CNBD1: variants seen among roughly 807,000 people sequenced by gnomAD.
CNBD1 encodes cyclic nucleotide binding domain containing 1.
In CNBD1, 71 loss-of-function variants were observed where a neutral mutation model predicts 54.4. That is an observed-to-expected ratio of 1.30 (90% confidence interval 1.08 to 1.59). The LOEUF is 1.59. Among genes scored for constraint, CNBD1 ranks in the 40% most tolerant of loss-of-function variants. The pLI, the probability that CNBD1 is intolerant of heterozygous loss-of-function variation, is 0.00. For missense variants in CNBD1, 659 were observed against 518.0 expected (o/e 1.27, Z -2.64); for synonymous variants, 182 against 170.7 (o/e 1.07, Z -0.51).
At chr8:86,895,766 TTCTG>T (rs910347445) in intron 2 of CNBD1, among the ~76,000 whole-genome samples, 6 of 152,204 alleles carry the variant, frequency 3.9e-5, no homozygotes, top group Admixed American at 6.5e-5. Flanking sequence ...TCTGTTCAGA[TTCTG>T]TCTGTTTTAA....
At chr8:87,238,405 G>T (rs1466340197) in intron 6 of CNBD1, among the ~76,000 whole-genome samples, 1 of 152,024 alleles carries the variant, frequency 6.6e-6, no homozygotes, top group African/African-American at 2.4e-5. Context: ...TGAAGCCACT[G>T]GGAAACAGAC....
intron 6 of CNBD1, among the ~76,000 whole-genome samples, chr8:87,280,158 TC>T (rs1224770079): frequency 6.6e-6 from 1 of 151,592 alleles, no homozygotes. Flanking sequence ...CAGTGTATAG[TC>T]CCACATTCTC....
In CNBD1 at chr8:87,092,478, T is replaced by G. The variant is rs773357378; in HGVS notation, c.432-113515T>G. On this transcript the variant is annotated intron_variant, in intron 4 of 10. Transcript: ENST00000518476. The stretch of plus-strand genomic sequence containing the variant: ...ACATATGTGTGTGTGTGTATATATA[T>G]ACACATATGTGTGTGTGTATATATA... 3.4e-5 allele frequency among the ~76,000 whole-genome samples: 5 copies of G among 147,926 alleles called. No homozygotes were observed. The East Asian group carries it at 9.8e-4, about 29-fold the overall frequency.
intron 4 of CNBD1, among the ~76,000 whole-genome samples, chr8:87,029,925 G>A (rs796128402): frequency 4.6e-5 from 7 of 152,092 alleles, no homozygotes; most frequent in African/African-American, 1.7e-4. Context: ...GCACATATAC[G>A]TGTGTTCAGC....
intron 1 of CNBD1, among the ~76,000 whole-genome samples, chr8:86,883,042 G>T (rs1808627210): frequency 6.6e-6 from 1 of 152,040 alleles, no homozygotes; most frequent in African/African-American, 2.4e-5. Flanking sequence ...TGGGAGGAAG[G>T]ATAGGACCAG....
chr8:87,313,666 A>G (rs1288816442), intron 8 of CNBD1, among the ~76,000 whole-genome samples: 1 of 151,886 alleles, frequency 6.6e-6, no homozygotes, highest in Non-Finnish European at 1.5e-5. Flanking sequence ...GGAAGATCTG[A>G]TACATTACAC....
intron 2 of CNBD1, among the ~76,000 whole-genome samples, chr8:86,899,155 A>C (rs999881181): frequency 4.6e-5 from 7 of 152,136 alleles, no homozygotes; most frequent in African/African-American, 1.7e-4. Context: ...AACAGTGGTT[A>C]CTAGGGGCAA....
At position 87,135,684 on chromosome 8, in the gene CNBD1, A is replaced by G. The variant is rs150352089; in HGVS notation, c.432-70309A>G. ...ATATAATGCATATAATATATATGCA[A>G]TTTAAAATGATTAGCATCCTAAAAC... is the stretch of plus-strand genomic sequence containing the variant. On this transcript the variant is annotated intron_variant, in intron 4 of 10. Coordinates refer to ENST00000518476, the MANE Select transcript of CNBD1 (RefSeq NM_173538.3). Among the ~76,000 whole-genome samples the G allele has an allele frequency of 1.2e-4, 18 of 148,880 alleles. No homozygotes were observed. In the East Asian group the frequency reaches 3.1e-3, roughly 26 times the overall value.
intron 1 of CNBD1, among the ~76,000 whole-genome samples, chr8:86,869,143 C>A (rs1264383293): frequency 1.3e-5 from 2 of 152,176 alleles, no homozygotes; most frequent in Non-Finnish European, 2.9e-5. Context: ...GTTCAGAGTT[C>A]TCATTTCCAG....
At chr8:87,424,642 C>T (rs1000969283) in intron 2 of CNBD1, among the ~76,000 whole-genome samples, 4 of 151,330 alleles carry the variant, frequency 2.6e-5, no homozygotes, top group Non-Finnish European at 5.9e-5. Flanking sequence ...CTGAGAGAGA[C>T]CCTACAGAAG....
At chr8:87,276,427 C>T (rs182291881) in intron 6 of CNBD1, among the ~76,000 whole-genome samples, 2 of 151,884 alleles carry the variant, frequency 1.3e-5, no homozygotes, top group African/African-American at 4.8e-5. Context: ...TGAGAAAAGG[C>T]TTGGATGCCA....
At chr8:86,949,229 G>A (rs1158032049) in intron 4 of CNBD1, among the ~76,000 whole-genome samples, 2 of 152,054 alleles carry the variant, frequency 1.3e-5, no homozygotes, top group Non-Finnish European at 2.9e-5. Flanking sequence ...CTTCAGCTAT[G>A]CAGGATCTTT....
chr8:86,875,865 G>T (rs963358973), intron 1 of CNBD1, among the ~76,000 whole-genome samples: 4 of 152,156 alleles, frequency 2.6e-5, no homozygotes, highest in African/African-American at 9.6e-5. Flanking sequence ...AAATTATATT[G>T]CTATATTCTC....
At chr8:87,380,548 GA>G (rs1324784582) in intron 10 of CNBD1, among the ~76,000 whole-genome samples, 13 of 151,576 alleles carry the variant, frequency 8.6e-5, no homozygotes, top group African/African-American at 2.2e-4. Flanking sequence ...GTCTATTTCT[GA>G]AAAAAAGCAC....
intron 2 of CNBD1, among the ~76,000 whole-genome samples, chr8:87,423,465 A>T (rs1336986933): frequency 1.3e-5 from 2 of 151,740 alleles, no homozygotes; most frequent in Admixed American, 6.6e-5. Context: ...TACCTACTTT[A>T]TTGAGAGTTT....
intron 4 of CNBD1, among the ~76,000 whole-genome samples, chr8:87,025,530 A>T (rs1809623295): frequency 6.6e-6 from 1 of 150,972 alleles, no homozygotes; most frequent in Non-Finnish European, 1.5e-5. Flanking sequence ...GAAGATCTGC[A>T]GCTTTACTCT....
intron 2 of CNBD1, among the ~76,000 whole-genome samples, chr8:87,401,316 G>A (rs1299276603): frequency 6.6e-6 from 1 of 151,870 alleles, no homozygotes; most frequent in Non-Finnish European, 1.5e-5. Context: ...CAAAATCAAA[G>A]AGATTGCTAA....
At chr8:86,966,215 T>C (rs1037060581) in intron 4 of CNBD1, among the ~76,000 whole-genome samples, 6 of 152,116 alleles carry the variant, frequency 3.9e-5, no homozygotes, top group African/African-American at 9.7e-5. Context: ...TGCCCCCTTC[T>C]ACCCAGGAAT....
At chr8:87,423,944 C>G (rs1399234396) in intron 2 of CNBD1, among the ~76,000 whole-genome samples, 1 of 152,192 alleles carries the variant, frequency 6.6e-6, no homozygotes, top group Admixed American at 6.5e-5. Flanking sequence ...ATTATTGCCA[C>G]AATTTCAGCT....
Sources: gnomAD v4.1 joint callset for allele counts (sites outside exome capture counted in the v4.1 genomes callset) on GRCh38, gnomAD v4.1.1 for gene constraint, MANE v1.5 for transcripts, NCBI Gene and HGNC (gene_info 2026-07-23, HGNC 2026-07-21) for gene names.